MEGF8: variants seen among roughly 807,000 people sequenced by gnomAD.
MEGF8 encodes the protein multiple EGF like domains 8, also known as multiple epidermal growth factor-like domains protein 8.
A neutral mutation model predicts 302.9 loss-of-function variants in MEGF8; 156 were observed. The observed-to-expected ratio is 0.52, with a 90% CI of 0.45 to 0.59. The LOEUF is 0.59. Ranked by LOEUF, MEGF8 falls within the 20% of genes least tolerant of loss-of-function variation. MEGF8 has a pLI of 0.00. For synonymous variants in MEGF8, 1,621 were observed against 1,660.5 expected, an observed-to-expected ratio of 0.98 and a Z score of 0.58; for missense variants, 3,345 against 3,964.5, an observed-to-expected ratio of 0.84 and a Z score of 4.20.
intron 31 of MEGF8, among the ~76,000 whole-genome samples, chr19:42,360,345 GTTT>G (rs1199801761): frequency 1.6e-5 from 2 of 127,502 alleles, no homozygotes; most frequent in African/African-American, 2.9e-5. Context: ...TGCTTCTGCT[GTTT>G]TTTTTTTTTT....
At position 42,344,339 on chromosome 19, in the gene MEGF8, T is replaced by G; in HGVS notation, c.1789-102T>G. The G allele has an allele frequency of 6.8e-7, 1 of 1,463,128 alleles. No homozygotes were observed. Among genetic ancestry groups the G allele is most frequent in the Non-Finnish European group, 9.1e-7 (1 of 1,100,696 alleles). The allele number at this position is 1,463,128 out of a possible 1,614,324, so 90.6% of individuals were successfully genotyped here. On this transcript the variant is annotated intron_variant, in intron 10 of 41. Transcript: ENST00000251268. The surrounding 1 kb of genome is among the most constrained non-coding windows in gnomAD (Gnocchi z 4.5). ...CAAGTCAACTCCCCGTTCTTCAGTT[T>G]TTTCGCCCTTTCCATCGCAGGACCC...
At chr19:42,330,319 G>A in intron 1 of MEGF8, among the ~76,000 whole-genome samples, 1 of 152,198 alleles carries the variant, frequency 6.6e-6, no homozygotes, top group Admixed American at 6.5e-5. Context: ...GTGGTATGGG[G>A]GTTGGGTGGA....
Position 42,371,070 on chromosome 19 carries a change from T to A in MEGF8, c.7136+239T>A, listed in dbSNP as rs187530470. Among the ~76,000 whole-genome samples the A allele has an allele frequency of 9.7e-3, 1,457 of 150,652 alleles. 11 individuals carry two copies. The highest frequency in any genetic ancestry group is 0.049 in the Middle Eastern group (14 of 286). ...AAGTGCAGTCCACAGAGCGGCCCCA[T>A]CGAGAACAAGATGGGGCGGCTGAGG... On this transcript the variant is annotated intron_variant, in intron 40 of 41. Coordinates refer to ENST00000251268, the MANE Select transcript of MEGF8 (RefSeq NM_001271938.2).
In MEGF8 at chr19:42,351,455, C is replaced by T. The variant is rs1198657231; in HGVS notation, c.2882C>T (p.Ala961Val). 6.3e-7 allele frequency: 1 copy of T among 1,598,826 alleles called. No individual in the cohort carries two copies. ...SQRLTCEDCLANSSQCAWCQS... is the reference protein window; with the variant it reads ...SQRLTCEDCLVNSSQCAWCQS... ...CGACTGACCTGTGAGGACTGCCTGG[C>T]CAACTCTAGCCAGTGCGCCTGGTGC... Residue 961 changes from alanine (A) to valine (V), a missense_variant, in exon 17 of 42, where the codon GCC becomes GTC. Physicochemically the swap from Ala to Val is moderately conservative, Grantham distance 64. Coordinates refer to ENST00000251268, the MANE Select transcript of MEGF8 (RefSeq NM_001271938.2). The surrounding 1 kb of genome is among the most constrained non-coding windows in gnomAD (Gnocchi z 5.6).
rs540900543 is a variant in MEGF8 at position 42,372,558 on chromosome 19, G to T, written c.7269+1076G>T. 8.5e-5 allele frequency among the ~76,000 whole-genome samples: 13 copies of T among 152,176 alleles called. No individual in the cohort carries two copies. In the South Asian group the frequency reaches 2.7e-3, roughly 32 times the overall value. On this transcript the variant is annotated intron_variant, in intron 41 of 41. Transcript: ENST00000251268. ...ACCCATCTACAGAAACATAATAGCT[G>T]CAAACATAATAGCTGCCACCCCAAA...
chr19:42,372,185 A>G (rs1272985258), intron 41 of MEGF8, among the ~76,000 whole-genome samples: 1 of 152,126 alleles, frequency 6.6e-6, no homozygotes, highest in East Asian at 1.9e-4. Context: ...TGCTCACACA[A>G]TGCCATCAGA....
intron 12 of MEGF8, 28 bp from the exon 13 acceptor site, chr19:42,348,244 A>G: frequency 2.0e-6 from 3 of 1,514,716 alleles, no homozygotes; most frequent in Non-Finnish European, 2.7e-6. Context: ...AAAGGGACTC[A>G]CACATACACC....
chr19:42,368,736 C>G lies in MEGF8; in HGVS notation c.6481+74C>G. On this transcript the variant is annotated intron_variant, in intron 36 of 41. Coordinates refer to ENST00000251268, the MANE Select transcript of MEGF8 (RefSeq NM_001271938.2). The surrounding 1 kb of genome is among the most constrained non-coding windows in gnomAD (Gnocchi z 4.9). ...GTCTGATACAGTGAACATAGGGATACTGGGCCAGACCCAGAGGTGGGGCTC... is the reference window on the plus strand; with the variant it reads ...GTCTGATACAGTGAACATAGGGATAGTGGGCCAGACCCAGAGGTGGGGCTC... 1 of 1,547,284 alleles carries G rather than the reference C, an allele frequency of 6.5e-7. No homozygotes were observed. Among genetic ancestry groups the G allele is most frequent in the Non-Finnish European group, 8.7e-7 (1 of 1,148,186 alleles).
rs1056489148 is a variant in MEGF8 at position 42,377,091 on chromosome 19, T to C, written c.*316T>C. On this transcript the variant is annotated 3_prime_UTR_variant, in exon 42 of 42. Transcript: ENST00000251268. ...CACACACCCCACACGCATACACACA[T>C]GAACACATGCACATGTGCACACACA... 3.0e-6 allele frequency: 1 copy of C among 336,998 alleles called. No individual in the cohort carries two copies. The allele number at this position is 336,998 out of a possible 1,614,324, so 20.9% of individuals were successfully genotyped here.
rs1309620466 is a variant in MEGF8, at chr19:42,336,803, G to A, written c.1245-4G>A. ...GAGCCCCTGCCCTGCTTCTCCTTCGGTAGGTTCTCTGTGCGAGTGAACTCC... is the reference window on the plus strand; with the variant it reads ...GAGCCCCTGCCCTGCTTCTCCTTCGATAGGTTCTCTGTGCGAGTGAACTCC... On this transcript the variant is annotated splice_polypyrimidine_tract_variant and splice_region_variant and intron_variant, in intron 6 of 41. Coordinates refer to ENST00000251268, the MANE Select transcript of MEGF8 (RefSeq NM_001271938.2). This position sits in a 1 kb window ranked among gnomAD's most constrained non-coding sequence, Gnocchi z 4.8. 6.3e-7 allele frequency: 1 copy of A among 1,580,344 alleles called. No individual in the cohort carries two copies. The highest frequency in any genetic ancestry group is 1.9e-5 in the Admixed American group (1 of 51,940).
rs1259179289 is a variant in MEGF8, at chr19:42,352,658, C to T, written c.3350+202C>T. ...CCCTGGTTACCATGGAAATGGGGCA[C>T]CCATAGGCTGTGGGCCATAGTCTTC... On this transcript the variant is annotated intron_variant, in intron 19 of 41. Coordinates refer to ENST00000251268, the MANE Select transcript of MEGF8 (RefSeq NM_001271938.2). This position sits in a 1 kb window ranked among gnomAD's most constrained non-coding sequence, Gnocchi z 4.4. The T allele has an allele frequency of 8.3e-6, 6 of 725,342 alleles. No homozygotes were observed. Among genetic ancestry groups the T allele is most frequent in the East Asian group, 5.4e-5 (2 of 36,806 alleles). 44.9% of individuals were successfully genotyped at this position (725,342 alleles called of 1,614,324 possible).
At position 42,352,506 on chromosome 19, in the gene MEGF8, A is replaced by G. The variant is rs1222476569; in HGVS notation, c.3350+50A>G. 1.3e-6 allele frequency: 2 copies of G among 1,526,884 alleles called. No individual in the cohort carries two copies. Among genetic ancestry groups the G allele is most frequent in the Non-Finnish European group, 8.9e-7 (1 of 1,129,664 alleles). The allele number at this position is 1,526,884 out of a possible 1,614,324, so 94.6% of individuals were successfully genotyped here. Reference sequence around the variant, plus strand: ...GAGATGTTGCCCCAGGCTGGGGCACATGGAGGTGGAGGGAGGAAGCCATCA... The same window carrying G: ...GAGATGTTGCCCCAGGCTGGGGCACGTGGAGGTGGAGGGAGGAAGCCATCA... On this transcript the variant is annotated intron_variant, in intron 19 of 41. Coordinates refer to ENST00000251268, the MANE Select transcript of MEGF8 (RefSeq NM_001271938.2). The surrounding 1 kb of genome is among the most constrained non-coding windows in gnomAD (Gnocchi z 4.4).
chr19:42,347,840 C>T (rs1284549740), intron 12 of MEGF8, among the ~76,000 whole-genome samples: 1 of 151,972 alleles, frequency 6.6e-6, no homozygotes. Flanking sequence ...TTTAAATAGC[C>T]TCCCACTGGT....
At chr19:42,349,945 C>T (rs1049521562) in intron 14 of MEGF8, among the ~76,000 whole-genome samples, 1 of 152,144 alleles carries the variant, frequency 6.6e-6, no homozygotes, top group Non-Finnish European at 1.5e-5. Flanking sequence ...CCCTGCTGAC[C>T]CTGACCTCTG....
chr19:42,375,585 G>T lies in MEGF8; in HGVS notation c.7348G>T (p.Glu2450Ter). The T allele has an allele frequency of 6.3e-7, 1 of 1,596,930 alleles. No homozygotes were observed. Among genetic ancestry groups the T allele is most frequent in the Non-Finnish European group, 8.5e-7 (1 of 1,172,676 alleles). The part of the protein sequence containing the change: ...QCYRLISVEQ[E>*]CCLDPTSQTN... ...CTACCGCCTCATCTCGGTGGAGCAG[G>T]AGTGCTGCCTGGACCCCACGTCCCA... The change falls in exon 42 of 42, where the codon GAG becomes TAG. Residue 2450 changes from glutamate (E) to a stop codon, truncating the protein, a stop_gained. Transcript: ENST00000251268. LOFTEE classifies it high-confidence loss of function. The surrounding 1 kb of genome is among the most constrained non-coding windows in gnomAD (Gnocchi z 7.1).
chr19:42,350,138 C>A lies in MEGF8; in HGVS notation c.2500-10C>A. On this transcript the variant is annotated splice_polypyrimidine_tract_variant and intron_variant, in intron 14 of 41. Coordinates refer to ENST00000251268, the MANE Select transcript of MEGF8 (RefSeq NM_001271938.2). ...CCTTGACTGCTGCCTTCCTGTGACC[C>A]CTTCCCCAGGAGATCTCCTTCTTCT... 6.2e-7 allele frequency: 1 copy of A among 1,600,658 alleles called. No homozygotes were observed. Among genetic ancestry groups the A allele is most frequent in the Non-Finnish European group, 8.6e-7 (1 of 1,169,414 alleles).
intron 8 of MEGF8, 101 bp downstream of exon 8, chr19:42,337,307 C>T (rs2039141855): frequency 1.3e-6 from 2 of 1,525,688 alleles, no homozygotes; most frequent in Non-Finnish European, 1.8e-6. Flanking sequence ...GTGAGCCTGA[C>T]ATCCAGGCCA....
rs746099460 is a variant in MEGF8 at position 42,362,527 on chromosome 19, C to T, written c.5988C>T (p.Cys1996=). 3.7e-6 allele frequency: 6 copies of T among 1,613,610 alleles called. No individual in the cohort carries two copies. The highest frequency in any genetic ancestry group is 2.7e-5 in the African/African-American group (2 of 74,944). ...CAGGGAACTGCTCCGAGGCTGCGTG[C>T]GGGGCTGCTGACTGCGAGCAGTGCA... ...FWAGNCSEAA[C]GAADCEQCTR... The change falls in exon 34 of 42, where the codon TGC becomes TGT. Residue 1996 remains cysteine, a synonymous_variant. Coordinates refer to ENST00000251268, the MANE Select transcript of MEGF8 (RefSeq NM_001271938.2).
rs2147493840 is a variant in MEGF8 at position 42,360,906 on chromosome 19, C to A, written c.5620C>A (p.Pro1874Thr). Residue 1874 changes from proline to threonine, a missense_variant, in exon 32 of 42, where the codon CCT becomes ACT. Physicochemically the swap from Pro to Thr is conservative, Grantham distance 38 (BLOSUM62 -1). Coordinates refer to ENST00000251268, the MANE Select transcript of MEGF8 (RefSeq NM_001271938.2). ...CCGCCTGCTGGCACTGACCCTGCCC[C>A]CTGACCCCTGCCGCCTGCTGTCCTC... Reference protein sequence around the residue: ...LGRLLALTLPPDPCRLLSSPE... With the variant: ...LGRLLALTLPTDPCRLLSSPE... The A allele has an allele frequency of 1.2e-6, 2 of 1,613,122 alleles. No individual in the cohort carries two copies. The highest frequency in any genetic ancestry group is 1.7e-4 in the Middle Eastern group (1 of 6,058).
Sources: allele counts gnomAD v4.1 joint callset (sites outside exome capture counted in the v4.1 genomes callset), GRCh38; gene constraint gnomAD v4.1.1; non-coding constraint Gnocchi (gnomAD v3.1); transcripts MANE v1.5; gene names NCBI Gene and HGNC (gene_info 2026-07-23, HGNC 2026-07-21).